The following IMMP2L variants were observed in gnomAD, a reference collection of about 807,000 sequenced individuals.
The protein encoded by IMMP2L is inner mitochondrial membrane peptidase subunit 2, also known as mitochondrial inner membrane protease subunit 2.
In IMMP2L, 18 loss-of-function variants were observed where a neutral mutation model predicts 19.3. That is an observed-to-expected ratio of 0.93 (90% CI 0.64 to 1.38). The LOEUF (loss-of-function observed/expected upper bound fraction) is 1.38, where lower values mean the gene tolerates loss of function less well. Among genes scored for constraint, IMMP2L ranks in the 40% most tolerant of loss-of-function variants. The pLI is 0.00. For synonymous variants in IMMP2L, 76 were observed against 73.0 expected (o/e 1.04, Z -0.21); for missense variants, 233 against 218.2 (o/e 1.07, Z -0.43).
chr7:110,956,983 C>T (rs1460595964), intron 4 of IMMP2L, among the ~76,000 whole-genome samples: 1 of 151,866 alleles, frequency 6.6e-6, no homozygotes, highest in African/African-American at 2.4e-5. Context: ...AAGCAATTAA[C>T]TAAAAATAAT....
chr7:111,242,237 G>C (rs1815161582), intron 3 of IMMP2L, among the ~76,000 whole-genome samples: 1 of 152,046 alleles, frequency 6.6e-6, no homozygotes, highest in Non-Finnish European at 1.5e-5. Context: ...AGTCAGTTCA[G>C]TCATAAATCA....
chr7:110,665,810 T>A (rs1234133764), intron 5 of IMMP2L, among the ~76,000 whole-genome samples: 1 of 152,228 alleles, frequency 6.6e-6, no homozygotes, highest in Non-Finnish European at 1.5e-5. Context: ...CTGTAATTAA[T>A]AACTGTGAGA....
At chr7:111,141,938 A>G (rs1802944365) in intron 3 of IMMP2L, among the ~76,000 whole-genome samples, 1 of 152,156 alleles carries the variant, frequency 6.6e-6, no homozygotes, top group South Asian at 2.1e-4. Flanking sequence ...TCTTGGCCTC[A>G]AGAGATCCTC....
intron 3 of IMMP2L, among the ~76,000 whole-genome samples, chr7:111,033,095 G>A (rs1790997597): frequency 6.6e-6 from 1 of 152,240 alleles, no homozygotes; most frequent in Non-Finnish European, 1.5e-5. Context: ...ACTCCAGCCT[G>A]GGTGACAGAG....
chr7:111,238,765 G>A lies in IMMP2L; in HGVS notation c.239+248473C>T, dbSNP rs541590213. ...AATATTTTTTGATAATTTGGAATAG[G>A]GTGTGGAAAAGTAAAAGTTTTGCAG... On this transcript the variant is annotated intron_variant, in intron 3 of 5. Transcript: ENST00000405709. Among the ~76,000 whole-genome samples the A allele has an allele frequency of 8.6e-4, 131 of 151,956 alleles. 1 individual carries two copies. The South Asian group carries it at 0.024, about 27-fold the overall frequency.
At chr7:110,962,958 C>T in intron 4 of IMMP2L, 1 of 1,444,890 alleles carries the variant, frequency 6.9e-7, no homozygotes. Context: ...GATTTATCAG[C>T]AAGTACAATA....
At chr7:111,250,189 C>A (rs1375594615) in intron 3 of IMMP2L, among the ~76,000 whole-genome samples, 1 of 152,002 alleles carries the variant, frequency 6.6e-6, no homozygotes, top group African/African-American at 2.4e-5. Flanking sequence ...CCTAGGAATA[C>A]AGCTAACAAG....
At chr7:111,311,461 G>A (rs1443908403) in intron 3 of IMMP2L, among the ~76,000 whole-genome samples, 1 of 152,076 alleles carries the variant, frequency 6.6e-6, no homozygotes, top group Non-Finnish European at 1.5e-5. Flanking sequence ...GCCATGTATG[G>A]TAATCCCTGA....
At chr7:111,109,047 C>T (rs1429291678) in intron 3 of IMMP2L, among the ~76,000 whole-genome samples, 1 of 152,046 alleles carries the variant, frequency 6.6e-6, no homozygotes, top group Non-Finnish European at 1.5e-5. Context: ...TTCTAGCAGT[C>T]TTAAATGATC....
At chr7:110,831,471 T>C (rs1462489644) in intron 5 of IMMP2L, among the ~76,000 whole-genome samples, 1 of 152,172 alleles carries the variant, frequency 6.6e-6, no homozygotes, top group Non-Finnish European at 1.5e-5. Context: ...TGAGAAAACT[T>C]CTTTATTCTT....
intron 3 of IMMP2L, among the ~76,000 whole-genome samples, chr7:111,025,856 T>C (rs577986903): frequency 3.9e-5 from 6 of 152,334 alleles, no homozygotes; most frequent in African/African-American, 1.4e-4. Context: ...TTTAACATTG[T>C]TTCCTCAGGA....
At chr7:111,007,973 T>C (rs1290811254) in intron 3 of IMMP2L, among the ~76,000 whole-genome samples, 1 of 152,136 alleles carries the variant, frequency 6.6e-6, no homozygotes, top group African/African-American at 2.4e-5. Context: ...TCTTTGTCTC[T>C]TACCCACATC....
intron 3 of IMMP2L, among the ~76,000 whole-genome samples, chr7:111,070,166 T>C (rs1794832421): frequency 6.6e-6 from 1 of 152,098 alleles, no homozygotes; most frequent in African/African-American, 2.4e-5. Flanking sequence ...AAGTATAAAG[T>C]CCAAAGAATC....
At chr7:110,692,962 C>T (rs1793619039) in intron 5 of IMMP2L, among the ~76,000 whole-genome samples, 1 of 152,158 alleles carries the variant, frequency 6.6e-6, no homozygotes, top group Non-Finnish European at 1.5e-5. Flanking sequence ...GAAAATGCAG[C>T]CCAAGCCATC....
At chr7:110,756,726 T>C (rs1798064017) in intron 5 of IMMP2L, among the ~76,000 whole-genome samples, 1 of 152,118 alleles carries the variant, frequency 6.6e-6, no homozygotes, top group Non-Finnish European at 1.5e-5. Context: ...CAGGACTTGT[T>C]TTGATTACTG....
chr7:111,166,297 A>C (rs1220369516), intron 3 of IMMP2L, among the ~76,000 whole-genome samples: 2 of 152,026 alleles, frequency 1.3e-5, no homozygotes, highest in Non-Finnish European at 2.9e-5. Context: ...TCTAGTCCTT[A>C]AACTGTCTAT....
chr7:111,333,186 C>T (rs1043070090), intron 3 of IMMP2L, among the ~76,000 whole-genome samples: 3 of 152,148 alleles, frequency 2.0e-5, no homozygotes, highest in East Asian at 3.8e-4. Context: ...AATACCAGCA[C>T]GTGACCAGTT....
intron 5 of IMMP2L, among the ~76,000 whole-genome samples, chr7:110,805,870 T>C (rs1801596345): frequency 6.6e-6 from 1 of 151,924 alleles, no homozygotes; most frequent in Admixed American, 6.6e-5. Flanking sequence ...ATGCTTGGGG[T>C]ATAATGCTAT....
chr7:110,981,971 T>G (rs1345655314), intron 3 of IMMP2L, among the ~76,000 whole-genome samples: 2 of 152,168 alleles, frequency 1.3e-5, no homozygotes, highest in African/African-American at 2.4e-5. Context: ...AATAAGAAAC[T>G]AAATATAAAG....
Sources: allele counts gnomAD v4.1 joint callset (sites outside exome capture counted in the v4.1 genomes callset), GRCh38; gene constraint gnomAD v4.1.1; transcripts MANE v1.5; gene names NCBI Gene and HGNC (gene_info 2026-07-23, HGNC 2026-07-21).